C5orf63: variants seen among roughly 807,000 people sequenced by gnomAD.
C5orf63 encodes glutaredoxin-like protein C5orf63.
C5orf63 carries 18 observed loss-of-function variants against 13.3 expected under a neutral mutation model. The observed-to-expected ratio is 1.36, with a 90% CI of 0.94 to 2.01. C5orf63 has a LOEUF of 2.01. Ranked by LOEUF, C5orf63 falls within the 30% of genes most tolerant of loss-of-function variation. The pLI is 0.00. For missense variants in C5orf63, 118 were observed against 127.7 expected (o/e 0.92, Z 0.36); for synonymous variants, 38 against 44.7 (o/e 0.85, Z 0.60).
At chr5:127,059,836 A>G (rs776821755) in intron 2 of C5orf63, among the ~76,000 whole-genome samples, 1 of 151,926 alleles carries the variant, frequency 6.6e-6, no homozygotes, top group Non-Finnish European at 1.5e-5. Context: ...ATGCTTCTCC[A>G]CTGTGAGACA....
downstream of C5orf63, among the ~76,000 whole-genome samples, chr5:127,049,925 A>G (rs1484830674): frequency 6.6e-6 from 1 of 152,128 alleles, no homozygotes; most frequent in Non-Finnish European, 1.5e-5. Context: ...TGATGTCCCT[A>G]TCTTCCTGCT....
At chr5:127,056,531 G>A (rs1753892161) in intron 3 of C5orf63, 1 of 152,238 alleles carries the variant, frequency 6.6e-6, no homozygotes, top group African/African-American at 2.4e-5. Flanking sequence ...ATCAGATCTT[G>A]TGAGACCCAT....
At chr5:127,050,408 T>C (rs1327865769), downstream of C5orf63, among the ~76,000 whole-genome samples, 1 of 152,158 alleles carries the variant, frequency 6.6e-6, no homozygotes, top group Non-Finnish European at 1.5e-5. Flanking sequence ...CTCAAACTTC[T>C]GGGCTCTTCT....
chr5:127,054,346 C>T (rs954215119), intron 3 of C5orf63, among the ~76,000 whole-genome samples: 23 of 152,086 alleles, frequency 1.5e-4, no homozygotes, highest in African/African-American at 5.1e-4. Context: ...GTTTGCAGTC[C>T]CACCAACAGC....
downstream of C5orf63, among the ~76,000 whole-genome samples, chr5:127,048,539 A>T (rs940755294): frequency 6.6e-6 from 1 of 151,968 alleles, no homozygotes; most frequent in Non-Finnish European, 1.5e-5. Context: ...TCTTATTTTT[A>T]AAAAACTCCT....
At chr5:127,058,255 A>G (rs1169419528) in intron 3 of C5orf63, among the ~76,000 whole-genome samples, 2 of 152,152 alleles carry the variant, frequency 1.3e-5, no homozygotes, top group South Asian at 2.1e-4. Context: ...TGTGTACTCA[A>G]TGTTTAGCTC....
At chr5:127,050,556 G>A (rs1211123510), downstream of C5orf63, among the ~76,000 whole-genome samples, 1 of 152,140 alleles carries the variant, frequency 6.6e-6, no homozygotes, top group Non-Finnish European at 1.5e-5. Flanking sequence ...GGAGCCCCCT[G>A]CAATGAGTCC....
At chr5:127,064,627 T>C (rs527914289) in intron 2 of C5orf63, among the ~76,000 whole-genome samples, 2 of 152,318 alleles carry the variant, frequency 1.3e-5, no homozygotes, top group East Asian at 3.9e-4. Flanking sequence ...CAGCTTCTAC[T>C]TCCAGATTTC....
At chr5:127,071,073 C>T (rs1580537196) in intron 2 of C5orf63, among the ~76,000 whole-genome samples, 1 of 152,160 alleles carries the variant, frequency 6.6e-6, no homozygotes, top group Non-Finnish European at 1.5e-5. Context: ...CTTTTCATTT[C>T]TATAGCTTGT....
chr5:127,060,393 C>T (rs1436955431), intron 2 of C5orf63, among the ~76,000 whole-genome samples: 1 of 152,190 alleles, frequency 6.6e-6, no homozygotes, highest in Non-Finnish European at 1.5e-5. Context: ...CATCCTGCTA[C>T]TTTGCTCAAC....
chr5:127,058,137 T>C (rs112890293), intron 3 of C5orf63, among the ~76,000 whole-genome samples: 4,689 of 152,242 alleles, frequency 0.031, 94 homozygotes, highest in African/African-American at 0.048. Flanking sequence ...GGTGTACAAA[T>C]GATTTCATCA....
downstream of C5orf63, among the ~76,000 whole-genome samples, chr5:127,050,169 G>A (rs975570496): frequency 2.0e-5 from 3 of 152,038 alleles, no homozygotes; most frequent in African/African-American, 7.2e-5. Context: ...CATAATCACA[G>A]CAGTGATATT....
intron 3 of C5orf63, 42 bp downstream of exon 3, chr5:127,058,840 A>T: frequency 1.6e-6 from 2 of 1,285,978 alleles, no homozygotes; most frequent in Non-Finnish European, 2.2e-6. Flanking sequence ...TCTTAAATGT[A>T]CAACTTTCTT....
rs937399236 is a variant in C5orf63 at position 127,051,864 on chromosome 5, G to A, written c.255C>T (p.His85=). Residue 85 remains histidine, a synonymous_variant, in exon 5 of 5, where the codon CAC becomes CAT. Transcript: ENST00000296662. ...GCATCATCAGAAACTGGCCATTCAA[G>A]TGAAAGACAGGAATATCAAATTTAT... The part of the protein sequence containing the change: ...ERYKFDIPVF[H]LNGQFLMMHR... 4.6e-5 allele frequency: 71 copies of A among 1,535,732 alleles called. No homozygotes were observed. In the East Asian group the frequency reaches 1.7e-3, roughly 37 times the overall value.
At chr5:127,052,747 A>C in intron 3 of C5orf63, 78 bp from the exon 4 acceptor site, 2 of 1,083,372 alleles carry the variant, frequency 1.8e-6, no homozygotes, top group Non-Finnish European at 2.5e-6. Flanking sequence ...CAAAACAAAA[A>C]ACCCATAAGA....
rs1047395433 is a variant in C5orf63 at position 127,051,937 on chromosome 5, T to C, written c.182A>G (p.Gln61Arg). 5 of 1,505,544 alleles carry C rather than the reference T, an allele frequency of 3.3e-6. No individual in the cohort carries two copies. The highest frequency in any genetic ancestry group is 4.3e-5 in the Admixed American group (2 of 46,120). The allele number at this position is 1,505,544 out of a possible 1,614,324, so 93.3% of individuals were successfully genotyped here. Residue 61 changes from glutamine (Q) to arginine (R), a missense_variant, in exon 5 of 5, where the codon CAG (glutamine) becomes CGG (arginine). Gln to Arg is a conservative substitution (Grantham distance 43). Coordinates refer to ENST00000296662, the MANE Select transcript of C5orf63 (RefSeq NM_001164478.2). ...LKPYENRFIL[Q>R]EVNITLPENS... Reference sequence around the variant, plus strand: ...TTCTGGAAGTGTGATGTTCACCTCCTGTAAAATGAACTGAAACAGAGACAG... The same window carrying C: ...TTCTGGAAGTGTGATGTTCACCTCCCGTAAAATGAACTGAAACAGAGACAG...
chr5:127,043,713 T>C (rs1753456605), downstream of C5orf63: 1 of 152,222 alleles, frequency 6.6e-6, no homozygotes, highest in South Asian at 2.1e-4. Context: ...ATCTCTTTTT[T>C]ACCCAGATTA....
At chr5:127,048,450 A>G (rs1464793437), downstream of C5orf63, among the ~76,000 whole-genome samples, 1 of 152,128 alleles carries the variant, frequency 6.6e-6, no homozygotes, top group Non-Finnish European at 1.5e-5. Context: ...CTTTCCAGTG[A>G]GTCCAACTTA....
intron 2 of C5orf63, among the ~76,000 whole-genome samples, chr5:127,059,879 C>T (rs1561490670): frequency 6.6e-6 from 1 of 152,130 alleles, no homozygotes; most frequent in Admixed American, 6.5e-5. Context: ...GGCGTGGTGG[C>T]TCACGCCTGT....
Sources: gnomAD v4.1 joint callset for allele counts (sites outside exome capture counted in the v4.1 genomes callset) on GRCh38, gnomAD v4.1.1 for gene constraint, MANE v1.5 for transcripts, NCBI Gene and HGNC (gene_info 2026-07-23, HGNC 2026-07-21) for gene names.